The following RABGAP1L variants were observed in gnomAD, a reference collection of about 807,000 sequenced individuals.
The protein encoded by RABGAP1L is RAB GTPase activating protein 1 like, also known as rab GTPase-activating protein 1-like.
A neutral mutation model predicts 137.7 loss-of-function variants in RABGAP1L; 63 were observed. The observed-to-expected ratio is 0.46, with a 90% confidence interval of 0.37 to 0.56. The LOEUF (loss-of-function observed/expected upper bound fraction) is 0.56, where lower values mean the gene tolerates loss of function less well. Among genes scored for constraint, RABGAP1L ranks in the 20% least tolerant of loss-of-function variants. The pLI is 0.00. For synonymous variants in RABGAP1L, 431 were observed against 433.7 expected (o/e 0.99, Z 0.08); for missense variants, 1,095 against 1,244.0 (o/e 0.88, Z 1.80).
At chr1:174,860,139 C>T (rs763415286) in intron 19 of RABGAP1L, among the ~76,000 whole-genome samples, 1 of 151,904 alleles carries the variant, frequency 6.6e-6, no homozygotes, top group African/African-American at 2.4e-5. Flanking sequence ...TTATATGGCC[C>T]TCACTAGCTT....
At chr1:174,436,557 C>T (rs1187386146) in intron 13 of RABGAP1L, among the ~76,000 whole-genome samples, 2 of 152,002 alleles carry the variant, frequency 1.3e-5, no homozygotes, top group African/African-American at 2.4e-5. Flanking sequence ...AGATATTAGC[C>T]CTTTGTCAGA....
intron 19 of RABGAP1L, among the ~76,000 whole-genome samples, chr1:174,919,019 CTTTTTTT>C (rs778211199): frequency 3.7e-5 from 5 of 134,742 alleles, no homozygotes; most frequent in Non-Finnish European, 8.0e-5. Context: ...TGTCTTTTTT[CTTTTTTT>C]TTTTTTTTTT....
chr1:174,386,391 A>C (rs888032410), intron 12 of RABGAP1L, among the ~76,000 whole-genome samples: 11 of 152,224 alleles, frequency 7.2e-5, no homozygotes, highest in Non-Finnish European at 1.6e-4. Context: ...CACAGCCAAT[A>C]AGTAATTTGC....
At chr1:174,192,060 A>G (rs1667248159) in intron 1 of RABGAP1L, among the ~76,000 whole-genome samples, 1 of 152,226 alleles carries the variant, frequency 6.6e-6, no homozygotes, top group Non-Finnish European at 1.5e-5. Flanking sequence ...TGGTCTAAAA[A>G]TTTCATAGAT....
At chr1:174,298,665 C>T (rs1158559759) in intron 10 of RABGAP1L, among the ~76,000 whole-genome samples, 1 of 152,132 alleles carries the variant, frequency 6.6e-6, no homozygotes. Context: ...ACTGAGTCCT[C>T]CTCCAACAAG....
chr1:174,581,314 A>G (rs562529638), intron 13 of RABGAP1L, among the ~76,000 whole-genome samples: 56 of 152,328 alleles, frequency 3.7e-4, no homozygotes, highest in African/African-American at 1.3e-3. Context: ...CATTCATAGC[A>G]CATCCAAAAC....
intron 18 of RABGAP1L, among the ~76,000 whole-genome samples, chr1:174,763,425 C>T (rs1573076527): frequency 7.0e-6 from 1 of 142,466 alleles, no homozygotes; most frequent in Non-Finnish European, 1.5e-5. Flanking sequence ...CCGAGGCGGG[C>T]GGATCACGAG....
intron 19 of RABGAP1L, among the ~76,000 whole-genome samples, chr1:174,954,559 A>T (rs1483755063): frequency 4.6e-5 from 7 of 152,226 alleles, no homozygotes; most frequent in Admixed American, 3.9e-4. Context: ...GAAGTTTAAA[A>T]ATATGGTTTC....
chr1:174,712,613 G>T (rs531336832), intron 17 of RABGAP1L, among the ~76,000 whole-genome samples: 81 of 152,170 alleles, frequency 5.3e-4, no homozygotes, highest in Admixed American at 1.2e-3. Context: ...AAGTCAGCGA[G>T]ACCAAGAACC....
intron 13 of RABGAP1L, among the ~76,000 whole-genome samples, chr1:174,587,625 T>G (rs1378410144): frequency 6.6e-6 from 1 of 152,088 alleles, no homozygotes; most frequent in African/African-American, 2.4e-5. Flanking sequence ...AAAATGCAAT[T>G]AAAAGAATAA....
chr1:174,791,131 C>T (rs923221528), intron 18 of RABGAP1L, among the ~76,000 whole-genome samples: 1 of 149,224 alleles, frequency 6.7e-6, no homozygotes, highest in Non-Finnish European at 1.5e-5. Context: ...GCAGAGGTTG[C>T]AGTGAGCCAA....
At chr1:174,187,296 T>A (rs957493674) in intron 1 of RABGAP1L, among the ~76,000 whole-genome samples, 9 of 151,580 alleles carry the variant, frequency 5.9e-5, no homozygotes, top group East Asian at 1.9e-4. Flanking sequence ...GTGAAGGAAG[T>A]GAACAGGGTA....
chr1:174,988,196 T>C (rs1360255464), intron 24 of RABGAP1L, among the ~76,000 whole-genome samples: 2 of 152,216 alleles, frequency 1.3e-5, no homozygotes, highest in Non-Finnish European at 2.9e-5. Flanking sequence ...AGATTTAGGT[T>C]AGTCATGATG....
intron 11 of RABGAP1L, among the ~76,000 whole-genome samples, chr1:174,353,570 C>T (rs895586117): frequency 6.6e-5 from 10 of 152,162 alleles, no homozygotes; most frequent in Non-Finnish European, 1.0e-4. Flanking sequence ...TGCTTTAGCC[C>T]GTGGTGGTGG....
chr1:174,727,757 TG>T (rs1309611074), intron 17 of RABGAP1L, among the ~76,000 whole-genome samples: 1 of 152,242 alleles, frequency 6.6e-6, no homozygotes, highest in African/African-American at 2.4e-5. Context: ...CATTACACAA[TG>T]TATATGTTTT....
chr1:174,177,785 G>T (rs939237024), intron 1 of RABGAP1L, among the ~76,000 whole-genome samples: 1 of 152,170 alleles, frequency 6.6e-6, no homozygotes, highest in Admixed American at 6.5e-5. Flanking sequence ...AAGATCAGCT[G>T]GTTGTAGATG....
At chr1:174,333,527 T>C (rs1181324521) in intron 11 of RABGAP1L, among the ~76,000 whole-genome samples, 1 of 152,200 alleles carries the variant, frequency 6.6e-6, no homozygotes, top group Non-Finnish European at 1.5e-5. Context: ...AGTCCACTTA[T>C]TCCAAAGTGA....
At chr1:174,551,904 AC>A (rs1666571229) in intron 13 of RABGAP1L, among the ~76,000 whole-genome samples, 1 of 149,712 alleles carries the variant, frequency 6.7e-6, no homozygotes, top group African/African-American at 2.5e-5. Flanking sequence ...AACACTATAA[AC>A]AACTTGATAC....
At chr1:174,403,804 A>ATT (rs35567032) in intron 13 of RABGAP1L, among the ~76,000 whole-genome samples, 29 of 143,374 alleles carry the variant, frequency 2.0e-4, no homozygotes, top group African/African-American at 2.3e-4. Context: ...CTGGTTTGGG[A>ATT]TTTTTTTTTT....
Sources: gnomAD v4.1 joint callset for allele counts (sites outside exome capture counted in the v4.1 genomes callset) on GRCh38, gnomAD v4.1.1 for gene constraint, MANE v1.5 for transcripts, NCBI Gene and HGNC (gene_info 2026-07-23, HGNC 2026-07-21) for gene names.